OR2C1: variants seen among roughly 807,000 people sequenced by gnomAD.
The protein encoded by OR2C1 is olfactory receptor 2C1.
For missense variants in OR2C1, 468 were observed against 388.3 expected, an observed-to-expected ratio of 1.21 and a Z score of -1.73; for synonymous variants, 209 against 167.3, an observed-to-expected ratio of 1.25 and a Z score of -1.92.
chr16:3,330,637 A>G, the OR2C1 span, among the ~76,000 whole-genome samples: 21 of 152,338 alleles, frequency 1.4e-4, no homozygotes, highest in African/African-American at 3.6e-4. Context: ...GATTGAATAC[A>G]TTCATATAAT....
rs372235499 is a variant in OR2C1 at position 3,356,226 on chromosome 16, G to A, written c.286G>A (p.Gly96Ser). 2.0e-5 allele frequency: 33 copies of A among 1,614,050 alleles called. No homozygotes were observed. The highest frequency in any genetic ancestry group is 2.5e-5 in the Non-Finnish European group (30 of 1,180,058). ...WGPGKTISYG[G>S]CITQLYVFLW... ...ACCAGGCAAGACCATCAGCTATGGT[G>A]GCTGCATAACCCAGCTCTATGTCTT... Residue 96 changes from glycine to serine, a missense_variant, in exon 1 of 1, where the codon GGC becomes AGC. Physicochemically the swap from Gly to Ser is moderately conservative, Grantham distance 56. Transcript: ENST00000304936.
the OR2C1 span, among the ~76,000 whole-genome samples, chr16:3,345,194 C>T: frequency 3.3e-5 from 5 of 151,988 alleles, no homozygotes; most frequent in Non-Finnish European, 5.9e-5. Flanking sequence ...ATAGGCTGGG[C>T]GCGGTGGTTC....
chr16:3,355,921 G>C lies in OR2C1; in HGVS notation c.-20G>C. 2 of 1,555,684 alleles carry C rather than the reference G, an allele frequency of 1.3e-6. No homozygotes were observed. The highest frequency in any genetic ancestry group is 1.7e-6 in the Non-Finnish European group (2 of 1,144,234). ...AGCTTGCGCTAAATGAATTCATCAA[G>C]TGACTGAAGACAACCAGTGATGGAC... On this transcript the variant is annotated 5_prime_UTR_variant, in exon 1 of 1. Coordinates refer to ENST00000304936, the MANE Select transcript of OR2C1 (RefSeq NM_012368.3).
the OR2C1 span, among the ~76,000 whole-genome samples, chr16:3,342,078 C>A: frequency 6.6e-6 from 1 of 152,064 alleles, no homozygotes; most frequent in Admixed American, 6.6e-5. Flanking sequence ...GAAACAAACC[C>A]CATCTCTACT....
the OR2C1 span, among the ~76,000 whole-genome samples, chr16:3,343,476 G>A: frequency 1.3e-5 from 2 of 152,214 alleles, no homozygotes; most frequent in East Asian, 3.8e-4. Context: ...AATTGGCCGG[G>A]CGCGGTGGCT....
the OR2C1 span, among the ~76,000 whole-genome samples, chr16:3,328,162 A>G: frequency 2.6e-5 from 4 of 151,976 alleles, no homozygotes; most frequent in Non-Finnish European, 2.9e-5. Context: ...TTTAACACCC[A>G]GTGTCCTGAT....
At chr16:3,351,026 C>A (rs1160981308), upstream of OR2C1, among the ~76,000 whole-genome samples, 1 of 143,952 alleles carries the variant, frequency 6.9e-6, no homozygotes, top group Non-Finnish European at 1.5e-5. Context: ...CACAGTGAGA[C>A]CCTGACTCAA....
chr16:3,336,762 G>A, the OR2C1 span, among the ~76,000 whole-genome samples: 36 of 128,570 alleles, frequency 2.8e-4, no homozygotes, highest in African/African-American at 9.4e-4. Flanking sequence ...AGGCTGGAGT[G>A]CAGTGGCATG....
chr16:3,328,471 T>C, the OR2C1 span, among the ~76,000 whole-genome samples: 1 of 152,226 alleles, frequency 6.6e-6, no homozygotes, highest in Non-Finnish European at 1.5e-5. Context: ...ATTCATTCAT[T>C]CAACATTGGG....
At chr16:3,349,564 A>G in the OR2C1 span, among the ~76,000 whole-genome samples, 17 of 152,122 alleles carry the variant, frequency 1.1e-4, no homozygotes, top group African/African-American at 4.1e-4. Context: ...CAGAGGATGG[A>G]TGTGGGGGAA....
At chr16:3,333,210 C>CTTTTTTTTTTTTTT in the OR2C1 span, among the ~76,000 whole-genome samples, 1 of 33,030 alleles carries the variant, frequency 3.0e-5, no homozygotes, top group Non-Finnish European at 6.7e-5. Flanking sequence ...ATCTTTTGCC[C>CTTTTTTTTTTTTTT]ATTTTTTTTT....
the OR2C1 span, among the ~76,000 whole-genome samples, chr16:3,327,715 G>C: frequency 1.3e-5 from 2 of 151,914 alleles, no homozygotes; most frequent in Admixed American, 1.3e-4. Context: ...TAAGAGTTCA[G>C]TGGCATCGGT....
the OR2C1 span, among the ~76,000 whole-genome samples, chr16:3,331,861 TGTG>T: frequency 1.3e-5 from 2 of 150,502 alleles, no homozygotes; most frequent in Non-Finnish European, 3.0e-5. Context: ...ATTAAGAAAA[TGTG>T]GCACATATAC....
chr16:3,324,823 AC>A, the OR2C1 span, among the ~76,000 whole-genome samples: 2 of 152,182 alleles, frequency 1.3e-5, no homozygotes, highest in African/African-American at 2.4e-5. Flanking sequence ...ATATATGCTT[AC>A]CTCAAATATA....
At chr16:3,329,213 C>CACACACACAG in the OR2C1 span, among the ~76,000 whole-genome samples, 1 of 150,436 alleles carries the variant, frequency 6.6e-6, no homozygotes, top group Non-Finnish European at 1.5e-5. Flanking sequence ...CACACACACA[C>CACACACACAG]AGCTTAGCTA....
rs1862827512 is a variant in OR2C1 at position 3,356,966 on chromosome 16, C to G, written c.*87C>G. 1 of 1,182,924 alleles carries G rather than the reference C, an allele frequency of 8.5e-7. No homozygotes were observed. Among genetic ancestry groups the G allele is most frequent in the African/African-American group, 1.5e-5 (1 of 64,528 alleles). 73.3% of individuals were successfully genotyped at this position (1,182,924 alleles called of 1,614,324 possible). ...TCTGGCCAGGTGAACATGAGGAATACTAATTCCGGTAAAACCAAGGCATGT... is the reference window on the plus strand; with the variant it reads ...TCTGGCCAGGTGAACATGAGGAATAGTAATTCCGGTAAAACCAAGGCATGT... On this transcript the variant is annotated 3_prime_UTR_variant, in exon 1 of 1. Coordinates refer to ENST00000304936, the MANE Select transcript of OR2C1 (RefSeq NM_012368.3).
chr16:3,336,738 C>T, the OR2C1 span, among the ~76,000 whole-genome samples: 2 of 79,980 alleles, frequency 2.5e-5, no homozygotes, highest in Admixed American at 1.9e-4. Flanking sequence ...GACAGAGTTT[C>T]GCTCTTGTTG....
At chr16:3,329,081 A>G in the OR2C1 span, among the ~76,000 whole-genome samples, 1 of 151,438 alleles carries the variant, frequency 6.6e-6, no homozygotes, top group Non-Finnish European at 1.5e-5. Context: ...TGACGGAGCC[A>G]AAGGATACAG....
the OR2C1 span, among the ~76,000 whole-genome samples, chr16:3,324,889 T>C: frequency 1.3e-5 from 2 of 152,140 alleles, no homozygotes; most frequent in Admixed American, 6.5e-5. Flanking sequence ...ATGAAGTGAG[T>C]CACACAAATT....
Sources: gnomAD v4.1 joint callset for allele counts (sites outside exome capture counted in the v4.1 genomes callset) on GRCh38, gnomAD v4.1.1 for gene constraint, MANE v1.5 for transcripts, NCBI Gene and HGNC (gene_info 2026-07-23, HGNC 2026-07-21) for gene names.